Variants in CCSER1 observed in about 807,000 individuals in gnomAD.
CCSER1 encodes the protein serine-rich coiled-coil domain-containing protein 1.
In CCSER1, 41 loss-of-function variants were observed where a neutral mutation model predicts 82.0. That is an observed-to-expected ratio of 0.50 (90% CI 0.39 to 0.65). CCSER1 has a LOEUF of 0.65. CCSER1 is among the 30% of genes least tolerant of loss of function. The pLI is 0.00. For missense variants in CCSER1, 1,119 were observed against 1,064.2 expected, an observed-to-expected ratio of 1.05 and a Z score of -0.72; for synonymous variants, 414 against 383.9, an observed-to-expected ratio of 1.08 and a Z score of -0.92.
chr4:90,151,764 G>T (rs980409224), intron 1 of CCSER1, among the ~76,000 whole-genome samples: 2 of 151,994 alleles, frequency 1.3e-5, no homozygotes, highest in African/African-American at 4.8e-5. Flanking sequence ...CAGTTATTTA[G>T]TATTAAACAA....
At chr4:91,583,675 T>G (rs746734045) in intron 10 of CCSER1, among the ~76,000 whole-genome samples, 1 of 151,462 alleles carries the variant, frequency 6.6e-6, no homozygotes, top group Non-Finnish European at 1.5e-5. Context: ...TGTCTTGCCT[T>G]CTTCTTGTGC....
chr4:91,565,668 A>G (rs1762855663), intron 10 of CCSER1, among the ~76,000 whole-genome samples: 1 of 151,948 alleles, frequency 6.6e-6, no homozygotes, highest in African/African-American at 2.4e-5. Flanking sequence ...GCAATTGTGA[A>G]TGGGATTGCC....
intron 10 of CCSER1, among the ~76,000 whole-genome samples, chr4:91,132,245 T>A (rs1395714881): frequency 6.6e-6 from 1 of 152,080 alleles, no homozygotes; most frequent in Non-Finnish European, 1.5e-5. Flanking sequence ...ATAAATAAGA[T>A]AGAGTTCAAG....
chr4:91,492,299 A>G (rs1393540644), intron 10 of CCSER1, among the ~76,000 whole-genome samples: 1 of 152,080 alleles, frequency 6.6e-6, no homozygotes, highest in Non-Finnish European at 1.5e-5. Flanking sequence ...CCAATTTACT[A>G]CTGCCTCAAA....
At chr4:90,909,994 A>G (rs1236324691) in intron 8 of CCSER1, among the ~76,000 whole-genome samples, 1 of 152,210 alleles carries the variant, frequency 6.6e-6, no homozygotes, top group Non-Finnish European at 1.5e-5. Flanking sequence ...ATTGACTCAC[A>G]GTACCACAGG....
chr4:91,257,657 A>G (rs1241625663), intron 10 of CCSER1, among the ~76,000 whole-genome samples: 2 of 152,144 alleles, frequency 1.3e-5, no homozygotes, highest in Non-Finnish European at 2.9e-5. Context: ...AGGGCACATA[A>G]TGAAAATAAA....
chr4:90,898,783 C>G (rs1046880851), intron 8 of CCSER1, among the ~76,000 whole-genome samples: 2 of 151,738 alleles, frequency 1.3e-5, no homozygotes, highest in African/African-American at 4.8e-5. Context: ...TCTGGGTTCT[C>G]TATTCTGTTC....
At chr4:90,421,320 C>T (rs1756657752) in intron 4 of CCSER1, among the ~76,000 whole-genome samples, 1 of 152,150 alleles carries the variant, frequency 6.6e-6, no homozygotes, top group African/African-American at 2.4e-5. Context: ...AATTGGGAAA[C>T]TCTTACTCTT....
intron 4 of CCSER1, among the ~76,000 whole-genome samples, chr4:90,434,522 A>G (rs1758749539): frequency 6.6e-6 from 1 of 152,190 alleles, no homozygotes; most frequent in Non-Finnish European, 1.5e-5. Flanking sequence ...AAAATATAAC[A>G]TTTGACTTTA....
At chr4:90,876,858 T>C (rs1767277655) in intron 8 of CCSER1, among the ~76,000 whole-genome samples, 1 of 152,078 alleles carries the variant, frequency 6.6e-6, no homozygotes. Context: ...CTATAAAACG[T>C]AATTATTATG....
intron 5 of CCSER1, among the ~76,000 whole-genome samples, chr4:90,598,841 G>T (rs746319843): frequency 6.6e-6 from 1 of 152,058 alleles, no homozygotes; most frequent in Non-Finnish European, 1.5e-5. Flanking sequence ...AGCCTCTGAG[G>T]CACCTTGTTC....
chr4:91,583,810 C>T (rs1763853419), intron 10 of CCSER1, among the ~76,000 whole-genome samples: 1 of 151,312 alleles, frequency 6.6e-6, no homozygotes, highest in African/African-American at 2.4e-5. Context: ...GTGTCATATG[C>T]CCTCTGCTTT....
chr4:90,950,804 A>G (rs1379087567), intron 9 of CCSER1, among the ~76,000 whole-genome samples: 2 of 152,078 alleles, frequency 1.3e-5, no homozygotes, highest in Non-Finnish European at 2.9e-5. Flanking sequence ...TGTTTATCCT[A>G]CATGTAATTG....
chr4:90,520,273 A>G (rs1269049776), intron 5 of CCSER1, among the ~76,000 whole-genome samples: 2 of 151,844 alleles, frequency 1.3e-5, no homozygotes, highest in East Asian at 3.9e-4. Context: ...ATATATAGCA[A>G]TTATAATCAT....
intron 8 of CCSER1, among the ~76,000 whole-genome samples, chr4:90,913,368 A>T (rs1431602832): frequency 6.6e-6 from 1 of 152,238 alleles, no homozygotes; most frequent in African/African-American, 2.4e-5. Context: ...TTTTCAACTC[A>T]GAATTTCATA....
At chr4:91,327,781 G>A (rs577823105) in intron 10 of CCSER1, among the ~76,000 whole-genome samples, 46 of 152,300 alleles carry the variant, frequency 3.0e-4, no homozygotes, top group Non-Finnish European at 5.6e-4. Context: ...GCTTTTAGAA[G>A]CAGCCAGGCC....
rs548867357 is a variant in CCSER1 at position 91,464,023 on chromosome 4, G to A, written c.2218-134549G>A. Among the ~76,000 whole-genome samples the A allele has an allele frequency of 9.2e-5, 14 of 152,176 alleles. No individual in the cohort carries two copies. The South Asian group carries it at 1.9e-3, about 20-fold the overall frequency. On this transcript the variant is annotated intron_variant, in intron 10 of 10. Coordinates refer to ENST00000509176, the MANE Select transcript of CCSER1 (RefSeq NM_001145065.2). ...AGAGAATGCCACAAAGATATTCCTC[G>A]AGAAGAGCAACTCCAAGACACATAA...
At chr4:90,544,223 A>G (rs1049595062) in intron 5 of CCSER1, among the ~76,000 whole-genome samples, 1 of 152,104 alleles carries the variant, frequency 6.6e-6, no homozygotes, top group East Asian at 1.9e-4. Flanking sequence ...GTGCAAAATT[A>G]GGAAACAGTC....
chr4:91,055,432 G>A (rs1743360415), intron 9 of CCSER1, among the ~76,000 whole-genome samples: 1 of 152,046 alleles, frequency 6.6e-6, no homozygotes, highest in African/African-American at 2.4e-5. Flanking sequence ...TGGCTTACAG[G>A]TCTTGTTTTT....
Sources: gnomAD v4.1 joint callset for allele counts (sites outside exome capture counted in the v4.1 genomes callset) on GRCh38, gnomAD v4.1.1 for gene constraint, MANE v1.5 for transcripts, NCBI Gene and HGNC (gene_info 2026-07-23, HGNC 2026-07-21) for gene names.